The following EPHA6 variants were observed in gnomAD, a reference collection of about 807,000 sequenced individuals.
The protein encoded by EPHA6 is ephrin type-A receptor 6.
In EPHA6, 50 loss-of-function variants were observed where a neutral mutation model predicts 112.0. The observed-to-expected ratio is 0.45, with a 90% CI of 0.36 to 0.56. EPHA6 has a LOEUF of 0.56. Ranked by LOEUF, EPHA6 falls within the 20% of genes least tolerant of loss-of-function variation. The probability of loss-of-function intolerance (pLI) is 0.00; values close to 1 mark genes in which losing one functional copy is unlikely to be tolerated. For missense variants in EPHA6, 1,280 were observed against 1,417.4 expected, an observed-to-expected ratio of 0.90 and a Z score of 1.56; for synonymous variants, 529 against 490.7, an observed-to-expected ratio of 1.08 and a Z score of -1.03.
At chr3:97,256,166 G>A (rs2079305822) in intron 5 of EPHA6, among the ~76,000 whole-genome samples, 1 of 152,004 alleles carries the variant, frequency 6.6e-6, no homozygotes, top group East Asian at 1.9e-4. Flanking sequence ...TTTTCACAAT[G>A]AATGTTTCTT....
chr3:97,702,286 C>T (rs1047891049), intron 14 of EPHA6, among the ~76,000 whole-genome samples: 1 of 151,946 alleles, frequency 6.6e-6, no homozygotes, highest in African/African-American at 2.4e-5. Context: ...CCTTTAATGC[C>T]AAAGTGATTT....
At chr3:97,727,572 C>G (rs551505977) in intron 15 of EPHA6, among the ~76,000 whole-genome samples, 61 of 152,144 alleles carry the variant, frequency 4.0e-4, no homozygotes, top group African/African-American at 1.4e-3. Flanking sequence ...ATTTTCCAAA[C>G]TCTACTTTAT....
At chr3:97,659,675 A>G (rs1007725259) in intron 14 of EPHA6, among the ~76,000 whole-genome samples, 1 of 152,090 alleles carries the variant, frequency 6.6e-6, no homozygotes, top group Non-Finnish European at 1.5e-5. Context: ...AACGTAACAC[A>G]GTAATTTTCT....
At chr3:97,364,523 G>GA (rs975554539) in intron 5 of EPHA6, among the ~76,000 whole-genome samples, 1 of 151,416 alleles carries the variant, frequency 6.6e-6, no homozygotes, top group Non-Finnish European at 1.5e-5. Context: ...AAATTTCAAG[G>GA]AAAAAAATCT....
chr3:97,670,849 T>A lies in EPHA6; in HGVS notation c.2784+32767T>A, dbSNP rs150937656. On this transcript the variant is annotated intron_variant, in intron 14 of 17. Coordinates refer to ENST00000389672, the MANE Select transcript of EPHA6 (RefSeq NM_001080448.3). ...TCTTTGAAACAGATATTGTGTTAGC[T>A]TCTCTAATTTTTCCACTAGACTGCT... 1.4e-4 allele frequency among the ~76,000 whole-genome samples: 21 copies of A among 152,336 alleles called. No individual in the cohort carries two copies. In the East Asian group the frequency reaches 4.0e-3, roughly 29 times the overall value.
Position 96,960,749 on chromosome 3 carries a change from AT to A in EPHA6, c.451-26575del, listed in dbSNP as rs1251535148. Among the ~76,000 whole-genome samples the A allele has an allele frequency of 2.6e-5, 4 of 152,288 alleles. No homozygotes were observed. The East Asian group carries it at 5.8e-4, about 22-fold the overall frequency. ...ACCTTCATCAAAACTTTATACAGGT[AT>A]TTTTTAACTCTTTTATTCTAGGTTG... On this transcript the variant is annotated intron_variant, in intron 2 of 17. Transcript: ENST00000389672.
At position 97,532,475 on chromosome 3, in the gene EPHA6, G is replaced by T. The variant is rs1188949678; in HGVS notation, c.2318G>T (p.Arg773Ile). ...GATCGGCAAAGAAGAGATTTTCTAA[G>T]AGAAGCTAGTATCATGGGCCAGTTT... ...HMDRQRRDFL[R>I]EASIMGQFDH... is the part of the protein sequence containing the mutation. Residue 773 changes from arginine (R) to isoleucine (I), a missense_variant, in exon 11 of 18, where the codon AGA becomes ATA. This residue lies in a region of EPHA6 where 878 missense variants were observed against 999.7 expected (regional missense o/e 0.88). Transcript: ENST00000389672. 6.2e-7 allele frequency: 1 copy of T among 1,612,346 alleles called. No individual in the cohort carries two copies. Among genetic ancestry groups the T allele is most frequent in the Non-Finnish European group, 8.5e-7 (1 of 1,178,918 alleles).
chr3:97,265,598 G>A (rs1334775257), intron 5 of EPHA6, among the ~76,000 whole-genome samples: 1 of 152,134 alleles, frequency 6.6e-6, no homozygotes, highest in Non-Finnish European at 1.5e-5. Flanking sequence ...GCAGGGGCAG[G>A]GGGGGCCTTC....
intron 1 of EPHA6, among the ~76,000 whole-genome samples, chr3:96,835,386 C>T (rs564251481): frequency 1.3e-5 from 2 of 152,026 alleles, no homozygotes; most frequent in South Asian, 2.1e-4. Flanking sequence ...TTGTATAGGA[C>T]GTGAAGCTTG....
chr3:97,041,240 T>C (rs964792624), intron 3 of EPHA6, among the ~76,000 whole-genome samples: 1 of 152,112 alleles, frequency 6.6e-6, no homozygotes, highest in East Asian at 1.9e-4. Flanking sequence ...TTTAGAGCAT[T>C]TATCCCCTAC....
intron 2 of EPHA6, among the ~76,000 whole-genome samples, chr3:96,937,700 G>A (rs1449524970): frequency 1.3e-5 from 2 of 152,090 alleles, no homozygotes; most frequent in Non-Finnish European, 2.9e-5. Context: ...TGTCCTGAAT[G>A]GTATTGCCTA....
At chr3:97,054,684 A>G (rs2045796808) in intron 3 of EPHA6, among the ~76,000 whole-genome samples, 1 of 137,514 alleles carries the variant, frequency 7.3e-6, no homozygotes. Context: ...ATAATAAGAA[A>G]GAAATATTTC....
At chr3:97,544,405 C>T (rs377728501) in intron 11 of EPHA6, among the ~76,000 whole-genome samples, 1,925 of 152,090 alleles carry the variant, frequency 0.013, 34 homozygotes, top group African/African-American at 0.045. Flanking sequence ...TATTGATTTG[C>T]GTATGTTGAA....
In EPHA6 at chr3:97,086,477, TAA is replaced by T. The variant is rs201593722; in HGVS notation, c.1114+98485_1114+98486del. On this transcript the variant is annotated intron_variant, in intron 3 of 17. Transcript: ENST00000389672. ...GAAATATTAAATATATTTCACATAT[TAA>T]GTTTTTAATAAGTTTTACAATATTA... Among the ~76,000 whole-genome samples the T allele has an allele frequency of 2.7e-3, 418 of 152,218 alleles. 5 individuals carry two copies. Among genetic ancestry groups the T allele is most frequent in the East Asian group, 8.3e-3 (43 of 5,188 alleles).
intron 5 of EPHA6, among the ~76,000 whole-genome samples, chr3:97,271,408 G>A (rs946546536): frequency 6.6e-6 from 1 of 152,090 alleles, no homozygotes; most frequent in Admixed American, 6.5e-5. Context: ...ACCCAGGCTG[G>A]AGTGCAGTGG....
At chr3:96,940,941 G>T (rs1419106580) in intron 2 of EPHA6, among the ~76,000 whole-genome samples, 1 of 152,158 alleles carries the variant, frequency 6.6e-6, no homozygotes, top group African/African-American at 2.4e-5. Flanking sequence ...CTCTCTTCTG[G>T]CTTGTAGAGT....
At chr3:96,899,050 A>G (rs1575968413) in intron 2 of EPHA6, among the ~76,000 whole-genome samples, 1 of 144,316 alleles carries the variant, frequency 6.9e-6, no homozygotes, top group East Asian at 2.1e-4. Flanking sequence ...AAAAACAAAC[A>G]AACAAAAAAA....
intron 3 of EPHA6, among the ~76,000 whole-genome samples, chr3:97,047,830 C>T (rs779728410): frequency 3.9e-4 from 59 of 152,082 alleles, no homozygotes; most frequent in Non-Finnish European, 5.3e-4. Context: ...GGTTATTTTC[C>T]TTCTGAAGGA....
chr3:97,510,748 G>C (rs2092349241), intron 10 of EPHA6, among the ~76,000 whole-genome samples: 1 of 152,220 alleles, frequency 6.6e-6, no homozygotes, highest in African/African-American at 2.4e-5. Context: ...TTCAGAGCCA[G>C]CAGGCAGGGA....
Sources: gnomAD v4.1 joint callset for allele counts (sites outside exome capture counted in the v4.1 genomes callset) on GRCh38, gnomAD v4.1.1 for gene constraint, gnomAD v4.1.1 regional missense constraint, MANE v1.5 for transcripts, NCBI Gene and HGNC (gene_info 2026-07-23, HGNC 2026-07-21) for gene names.